The following CADM3 variants were observed in gnomAD, a reference collection of about 807,000 sequenced individuals.
CADM3 encodes the protein cell adhesion molecule 3.
Under a neutral mutation model 44.9 loss-of-function variants are expected in CADM3, and 11 were observed. The observed-to-expected ratio is 0.25, with a 90% CI of 0.15 to 0.41. The LOEUF is 0.41. Among genes scored for constraint, CADM3 ranks in the 10% least tolerant of loss-of-function variants. CADM3 has a pLI of 1.00. For synonymous variants in CADM3, 207 were observed against 205.2 expected (o/e 1.01, Z -0.08); for missense variants, 426 against 512.0 (o/e 0.83, Z 1.62).
chr1:159,189,937 C>A lies in CADM3; in HGVS notation c.89-1999C>A, dbSNP rs1182014550. The A allele has an allele frequency of 4.4e-6, 5 of 1,123,724 alleles. No homozygotes were observed. In the African/African-American group the frequency reaches 7.7e-5, roughly 17 times the overall value. The allele number at this position is 1,123,724 out of a possible 1,614,324, so 69.6% of individuals were successfully genotyped here. On this transcript the variant is annotated intron_variant, in intron 1 of 8. Transcript: ENST00000368125. ...CCCTCACTCATCCTCACATCCTCTC[C>A]CACTCATGTTGCCTTCACCACATGT...
intron 1 of CADM3, among the ~76,000 whole-genome samples, chr1:159,191,158 GT>G (rs1213624029): frequency 6.6e-6 from 1 of 152,108 alleles, no homozygotes; most frequent in Non-Finnish European, 1.5e-5. Context: ...GTTTTGTTTT[GT>G]TTTGTTTAAC....
intron 1 of CADM3, among the ~76,000 whole-genome samples, chr1:159,182,545 C>T (rs143469947): frequency 6.6e-6 from 1 of 152,066 alleles, no homozygotes; most frequent in African/African-American, 2.4e-5. Context: ...GAGGATTGGA[C>T]CAGATGATAC....
At chr1:159,181,245 G>T (rs1649222824) in intron 1 of CADM3, among the ~76,000 whole-genome samples, 2 of 152,148 alleles carry the variant, frequency 1.3e-5, no homozygotes, top group Non-Finnish European at 2.9e-5. Flanking sequence ...TGGGGGAAAG[G>T]GTATAAAATC....
intron 1 of CADM3, among the ~76,000 whole-genome samples, chr1:159,185,227 C>T (rs1649373797): frequency 6.6e-6 from 1 of 152,300 alleles, no homozygotes; most frequent in South Asian, 2.1e-4. Context: ...TAAAAATGTA[C>T]ATTCAATGGG....
chr1:159,199,830 G>A lies in CADM3; in HGVS notation c.1032G>A (p.Leu344=). 1 of 1,614,038 alleles carries A rather than the reference G, an allele frequency of 6.2e-7. No homozygotes were observed. The highest frequency in any genetic ancestry group is 8.5e-7 in the Non-Finnish European group (1 of 1,180,022). ...TCGTGGCTTTCATTGTCTTCCTGCT[G>A]CTCATCATGCTCATCTTCCTTGGCC... is the stretch of plus-strand genomic sequence containing the variant. ...GGIVAFIVFL[L]LIMLIFLGHY... Residue 344 remains leucine, a synonymous_variant, in exon 8 of 9, where the codon CTG becomes CTA. Coordinates refer to ENST00000368125, the MANE Select transcript of CADM3 (RefSeq NM_001127173.3).
At chr1:159,196,169 G>T (rs1435777302) in intron 5 of CADM3, 195 bp from the exon 6 acceptor site, 3 of 557,706 alleles carry the variant, frequency 5.4e-6, no homozygotes, top group Non-Finnish European at 6.5e-6. Flanking sequence ...ATCACACAAG[G>T]TTGCAAGAGA....
chr1:159,193,377 C>T (rs1649748427), intron 3 of CADM3, 46 bp from the exon 4 acceptor site: 5 of 1,549,814 alleles, frequency 3.2e-6, no homozygotes, highest in Non-Finnish European at 4.4e-6. Context: ...AGTGTGACCC[C>T]ATGGGGCCTC....
At chr1:159,193,620 C>G in intron 4 of CADM3, 60 bp downstream of exon 4, 1 of 1,608,076 alleles carries the variant, frequency 6.2e-7, no homozygotes. Context: ...GAGAGAAGTG[C>G]CTGTCTGTGA....
intron 5 of CADM3, chr1:159,194,382 G>T: frequency 5.1e-6 from 1 of 197,806 alleles, no homozygotes; most frequent in Non-Finnish European, 1.0e-5. Flanking sequence ...TTGGTCCAAG[G>T]GGATACCAAC....
At chr1:159,200,715 T>C (rs1650148038) in intron 8 of CADM3, 89 bp from the exon 9 acceptor site, 2 of 875,422 alleles carry the variant, frequency 2.3e-6, no homozygotes, top group Non-Finnish European at 3.5e-6. Context: ...ACTTGAGCAG[T>C]GTGTGAGTGG....
intron 7 of CADM3, among the ~76,000 whole-genome samples, chr1:159,198,712 AG>A (rs1471382750): frequency 6.6e-6 from 1 of 152,132 alleles, no homozygotes; most frequent in Non-Finnish European, 1.5e-5. Context: ...TGGCTACATC[AG>A]AACCGTGTGC....
intron 8 of CADM3, among the ~76,000 whole-genome samples, chr1:159,200,554 ACTTCT>A (rs1421386272): frequency 2.7e-5 from 3 of 112,382 alleles, no homozygotes; most frequent in Middle Eastern, 5.2e-3. Context: ...ACACACACAC[ACTTCT>A]CTTTCTTGCT....
In CADM3 at chr1:159,193,886, A is replaced by T; in HGVS notation, c.537A>T (p.Ile179=). Residue 179 remains isoleucine, a synonymous_variant, in exon 5 of 9, where the codon ATA becomes ATT. Coordinates refer to ENST00000368125, the MANE Select transcript of CADM3 (RefSeq NM_001127173.3). Reference sequence around the variant, plus strand: ...GCACTCTAGGAGAACCAACCCGCATACAGGAAGATCCCAATGGTAAAACCT... The same window carrying T: ...GCACTCTAGGAGAACCAACCCGCATTCAGGAAGATCCCAATGGTAAAACCT... ...DQELHGEPTR[I]QEDPNGKTFT... The T allele has an allele frequency of 6.2e-7, 1 of 1,614,022 alleles. No individual in the cohort carries two copies.
intron 1 of CADM3, among the ~76,000 whole-genome samples, chr1:159,186,680 G>A (rs3026982): frequency 7.4e-4 from 112 of 152,188 alleles, no homozygotes; most frequent in Admixed American, 6.3e-3. Context: ...GTGGCCATTC[G>A]GAATTTATTA....
chr1:159,192,820 C>A, intron 3 of CADM3, 90 bp downstream of exon 3: 2 of 1,320,260 alleles, frequency 1.5e-6, no homozygotes, highest in Non-Finnish European at 2.1e-6. Flanking sequence ...GGGAGCCAGG[C>A]AAGTCTCCAA....
At position 159,183,761 on chromosome 1, in the gene CADM3, T is replaced by C. The variant is rs545085478; in HGVS notation, c.89-8175T>C. Among the ~76,000 whole-genome samples, 7 of 152,242 alleles carry C rather than the reference T, an allele frequency of 4.6e-5. 1 individual carries two copies. In the South Asian group the frequency reaches 1.4e-3, roughly 32 times the overall value. On this transcript the variant is annotated intron_variant, in intron 1 of 8. Transcript: ENST00000368125. Reference sequence around the variant, plus strand: ...GCTCAGCTTCTATTTGACTACACTATTATATCGTGGCCATTAGGGAATTAG... The same window carrying C: ...GCTCAGCTTCTATTTGACTACACTACTATATCGTGGCCATTAGGGAATTAG...
Position 159,192,032 on chromosome 1 carries a change from G to C in CADM3, c.185G>C (p.Trp62Ser). 6.2e-7 allele frequency: 1 copy of C among 1,614,132 alleles called. No individual in the cohort carries two copies. The highest frequency in any genetic ancestry group is 8.5e-7 in the Non-Finnish European group (1 of 1,180,008). Reference sequence around the variant, plus strand: ...GATCACGAGGACTCATCCCTGCAATGGTCTAACCCTGCTCAGCAGACTCTC... The same window carrying C: ...GATCACGAGGACTCATCCCTGCAATCGTCTAACCCTGCTCAGCAGACTCTC... ...VKDHEDSSLQ[W>S]SNPAQQTLYF... Residue 62 changes from tryptophan (W) to serine (S), a missense_variant, in exon 2 of 9, where the codon TGG becomes TCG. This residue lies in a region of CADM3 where 362 missense variants were observed against 474.6 expected (regional missense o/e 0.76). Coordinates refer to ENST00000368125, the MANE Select transcript of CADM3 (RefSeq NM_001127173.3).
chr1:159,177,583 C>T (rs1649073436), intron 1 of CADM3, among the ~76,000 whole-genome samples: 1 of 152,130 alleles, frequency 6.6e-6, no homozygotes, highest in South Asian at 2.1e-4. Context: ...GGGCTGAAAT[C>T]TCCCTCCCTG....
chr1:159,181,465 C>A (rs994406056), intron 1 of CADM3, among the ~76,000 whole-genome samples: 1 of 152,206 alleles, frequency 6.6e-6, no homozygotes, highest in African/African-American at 2.4e-5. Flanking sequence ...TCCAAAACAA[C>A]TGAAGACAGT....
Sources: gnomAD v4.1 joint callset for allele counts (sites outside exome capture counted in the v4.1 genomes callset) on GRCh38, gnomAD v4.1.1 for gene constraint, gnomAD v4.1.1 regional missense constraint, MANE v1.5 for transcripts, NCBI Gene and HGNC (gene_info 2026-07-23, HGNC 2026-07-21) for gene names.